RSF1: variants seen among roughly 807,000 people sequenced by gnomAD.
RSF1 encodes remodeling and spacing factor 1.
Under a neutral mutation model 145.2 loss-of-function variants are expected in RSF1, and 13 were observed. The ratio of observed to expected loss-of-function variants is 0.09; its 90% CI spans 0.06 to 0.14. The LOEUF is 0.14. RSF1 is among the 10% of genes least tolerant of loss of function. The probability of loss-of-function intolerance (pLI) is 1.00; values close to 1 mark genes in which losing one functional copy is unlikely to be tolerated. For synonymous variants in RSF1, 577 were observed against 592.6 expected (o/e 0.97, Z 0.38); for missense variants, 1,517 against 1,718.2 (o/e 0.88, Z 2.07).
intron 5 of RSF1, among the ~76,000 whole-genome samples, chr11:77,708,610 G>A (rs192431035): frequency 6.6e-6 from 1 of 152,272 alleles, no homozygotes. Flanking sequence ...ACAGATTCAA[G>A]TGAATCAAGA....
chr11:77,670,190 C>T, intron 15 of RSF1, among the ~76,000 whole-genome samples: 1 of 152,212 alleles, frequency 6.6e-6, no homozygotes, highest in East Asian at 1.9e-4. Flanking sequence ...CTGGCCCCCA[C>T]TGACTTCTTT....
At chr11:77,680,004 T>C (rs1429666752) in intron 11 of RSF1, among the ~76,000 whole-genome samples, 1 of 152,208 alleles carries the variant, frequency 6.6e-6, no homozygotes, top group Non-Finnish European at 1.5e-5. Flanking sequence ...TGTTCCTCAC[T>C]AGACATAATT....
chr11:77,797,614 T>C (rs1473560910), intron 1 of RSF1, among the ~76,000 whole-genome samples: 2 of 152,206 alleles, frequency 1.3e-5, no homozygotes, highest in African/African-American at 4.8e-5. Flanking sequence ...AAAGACTTCA[T>C]GTCTAAAACA....
intron 6 of RSF1, among the ~76,000 whole-genome samples, chr11:77,699,476 T>C (rs986708659): frequency 5.9e-5 from 9 of 152,170 alleles, no homozygotes; most frequent in Non-Finnish European, 1.0e-4. Context: ...CAATGAAGAA[T>C]GATCTGATCG....
chr11:77,715,713 G>A (rs980862278), intron 5 of RSF1, among the ~76,000 whole-genome samples: 1 of 152,192 alleles, frequency 6.6e-6, no homozygotes, highest in South Asian at 2.1e-4. Flanking sequence ...CTCCCAAAGT[G>A]TTGGGATTAC....
At chr11:77,765,769 C>T (rs1948218984) in intron 1 of RSF1, among the ~76,000 whole-genome samples, 1 of 152,098 alleles carries the variant, frequency 6.6e-6, no homozygotes, top group Non-Finnish European at 1.5e-5. Context: ...TCTTTTGAAA[C>T]GGTATCTCAC....
chr11:77,783,260 C>T (rs1948422020), intron 1 of RSF1, among the ~76,000 whole-genome samples: 1 of 152,140 alleles, frequency 6.6e-6, no homozygotes, highest in African/African-American at 2.4e-5. Context: ...GTGAAATTTG[C>T]AATACATGGT....
At chr11:77,735,911 G>A (rs780451755) in intron 4 of RSF1, among the ~76,000 whole-genome samples, 1 of 152,134 alleles carries the variant, frequency 6.6e-6, no homozygotes, top group Non-Finnish European at 1.5e-5. Context: ...GCTAATTTTT[G>A]TATTTTTAGT....
chr11:77,726,041 A>G (rs150741368), intron 4 of RSF1, among the ~76,000 whole-genome samples: 1 of 152,320 alleles, frequency 6.6e-6, no homozygotes, highest in African/African-American at 2.4e-5. Context: ...GATGAAATCA[A>G]TGTAAAACTT....
chr11:77,815,506 T>C (rs1312913187), intron 1 of RSF1, among the ~76,000 whole-genome samples: 1 of 152,194 alleles, frequency 6.6e-6, no homozygotes, highest in Non-Finnish European at 1.5e-5. Context: ...CAGTTTAACA[T>C]GTACTTTAGG....
intron 1 of RSF1, among the ~76,000 whole-genome samples, chr11:77,778,866 C>G (rs973185326): frequency 6.6e-6 from 1 of 152,130 alleles, no homozygotes; most frequent in Non-Finnish European, 1.5e-5. Flanking sequence ...TCCCTGAAAG[C>G]TAGTTATTTC....
intron 1 of RSF1, among the ~76,000 whole-genome samples, chr11:77,793,305 C>T (rs985008026): frequency 2.0e-5 from 3 of 151,852 alleles, no homozygotes; most frequent in African/African-American, 7.3e-5. Flanking sequence ...CATAGCAAGC[C>T]CTCATCTCTA....
chr11:77,848,016 T>C, the RSF1 span, among the ~76,000 whole-genome samples: 5 of 152,270 alleles, frequency 3.3e-5, no homozygotes, highest in Admixed American at 2.6e-4. Flanking sequence ...CCTCAATGGA[T>C]TGGATGATGC....
chr11:77,668,402 G>A (rs1293007532), intron 15 of RSF1, among the ~76,000 whole-genome samples: 2 of 152,202 alleles, frequency 1.3e-5, no homozygotes, highest in African/African-American at 4.8e-5. Flanking sequence ...ACACAAATTA[G>A]GTTATCATGT....
the RSF1 span, among the ~76,000 whole-genome samples, chr11:77,852,951 T>C: frequency 1.3e-5 from 2 of 152,302 alleles, no homozygotes; most frequent in African/African-American, 4.8e-5. Context: ...AAGGGATGGG[T>C]ACTCGATTGC....
chr11:77,691,588 GA>G lies in RSF1; in HGVS notation c.2821-351del, dbSNP rs554007438. 2.4e-3 allele frequency: 487 copies of G among 206,408 alleles called. 1 individual carries two copies. The highest frequency in any genetic ancestry group is 0.01 in the African/African-American group (450 of 43,066). 12.8% of individuals were successfully genotyped at this position (206,408 alleles called of 1,614,324 possible). A position where few individuals can be genotyped will look rare whatever the true frequency, so the allele number is the denominator to read the frequency against. On this transcript the variant is annotated intron_variant, in intron 8 of 15. Coordinates refer to ENST00000308488, the MANE Select transcript of RSF1 (RefSeq NM_016578.4). Reference sequence around the variant, plus strand: ...AAGATCCCAAGATGTTTTAAAGGGAGAAGGTTATACGTACGATATAACATAA... The same window carrying G: ...AAGATCCCAAGATGTTTTAAAGGGAGAGGTTATACGTACGATATAACATAA...
chr11:77,810,550 CTTTTTA>C (rs1590901209), intron 1 of RSF1, among the ~76,000 whole-genome samples: 1 of 152,086 alleles, frequency 6.6e-6, no homozygotes, highest in East Asian at 1.9e-4. Context: ...ATATTGGTTC[CTTTTTA>C]TTTTTATTTT....
chr11:77,731,777 T>C (rs143510024), intron 4 of RSF1, among the ~76,000 whole-genome samples: 1 of 152,344 alleles, frequency 6.6e-6, no homozygotes, highest in African/African-American at 2.4e-5. Context: ...AACCTGTGAA[T>C]GCACAGAAGA....
the RSF1 span, among the ~76,000 whole-genome samples, chr11:77,832,177 C>A: frequency 6.6e-6 from 1 of 152,036 alleles, no homozygotes; most frequent in Admixed American, 6.6e-5. Flanking sequence ...ATCACACTGA[C>A]AATAGTTAAC....
Sources: allele counts gnomAD v4.1 joint callset (sites outside exome capture counted in the v4.1 genomes callset), GRCh38; gene constraint gnomAD v4.1.1; transcripts MANE v1.5; gene names NCBI Gene and HGNC (gene_info 2026-07-23, HGNC 2026-07-21).